The following SH3BP4 variants were observed in gnomAD, a reference collection of about 807,000 sequenced individuals.
The protein encoded by SH3BP4 is SH3 domain-binding protein 4.
A neutral mutation model predicts 65.5 loss-of-function variants in SH3BP4; 33 were observed. The observed-to-expected ratio is 0.50, with a 90% CI of 0.38 to 0.67. The LOEUF (loss-of-function observed/expected upper bound fraction) is 0.67. SH3BP4 is among the 30% of genes least tolerant of loss of function. The pLI is 0.00. For missense variants in SH3BP4, 1,134 were observed against 1,261.4 expected (o/e 0.90, Z 1.53); for synonymous variants, 552 against 545.5 (o/e 1.01, Z -0.17).
intron 4 of SH3BP4, among the ~76,000 whole-genome samples, chr2:235,048,795 T>C (rs1014240557): frequency 2.0e-5 from 3 of 152,222 alleles, no homozygotes; most frequent in African/African-American, 7.2e-5. Context: ...GTACTATCTG[T>C]CCCTTTATAA....
chr2:234,980,305 A>G (rs1437093442), intron 1 of SH3BP4, among the ~76,000 whole-genome samples: 1 of 152,250 alleles, frequency 6.6e-6, no homozygotes, highest in African/African-American at 2.4e-5. Context: ...AGGCACACTG[A>G]GAGATGAACA....
chr2:235,043,098 G>GGCTAC lies in SH3BP4; in HGVS notation c.2331_2335dup (p.Val779AlafsTer3). ...CTGGCGCTCCTTCGCTGACGCCCTG[G>GGCTAC]GCTACGTGAACCTGCCGCTCACCTT... is the stretch of plus-strand genomic sequence containing the variant. On this transcript the variant is annotated frameshift_variant, in exon 4 of 6. Coordinates refer to ENST00000392011, the MANE Select transcript of SH3BP4 (RefSeq NM_014521.3). LOFTEE classifies it high-confidence loss of function. 1 of 1,613,642 alleles carries GGCTAC rather than the reference G, an allele frequency of 6.2e-7. No homozygotes were observed. The highest frequency in any genetic ancestry group is 8.5e-7 in the Non-Finnish European group (1 of 1,179,958).
chr2:234,969,094 G>A (rs923100103), intron 1 of SH3BP4, among the ~76,000 whole-genome samples: 12 of 152,208 alleles, frequency 7.9e-5, no homozygotes, highest in African/African-American at 2.9e-4. Flanking sequence ...GCTAGTCTCA[G>A]CCCAGGGCTA....
chr2:235,018,059 G>A (rs997662267), intron 2 of SH3BP4, among the ~76,000 whole-genome samples: 10 of 152,178 alleles, frequency 6.6e-5, no homozygotes, highest in African/African-American at 2.4e-4. Context: ...AGCGGGGGCA[G>A]ACGAGAGCTT....
chr2:234,987,356 C>T (rs1693594353), intron 1 of SH3BP4, among the ~76,000 whole-genome samples: 1 of 151,760 alleles, frequency 6.6e-6, no homozygotes, highest in South Asian at 2.1e-4. Flanking sequence ...TCCCTGCCCT[C>T]AACATGGTCT....
intron 1 of SH3BP4, among the ~76,000 whole-genome samples, chr2:234,979,180 C>CA (rs2106254575): frequency 6.6e-6 from 1 of 152,274 alleles, no homozygotes; most frequent in South Asian, 2.1e-4. Context: ...TACACAATCA[C>CA]AAAAACAATG....
rs1696162954 is a variant in SH3BP4 at position 235,054,406 on chromosome 2, G to C, written c.*590G>C. 6.5e-6 allele frequency: 1 copy of C among 152,774 alleles called. No homozygotes were observed. The highest frequency in any genetic ancestry group is 2.1e-4 in the South Asian group (1 of 4,846). The allele number at this position is 152,774 out of a possible 1,614,324, so 9.5% of individuals were successfully genotyped here. On this transcript the variant is annotated 3_prime_UTR_variant, in exon 6 of 6. Transcript: ENST00000392011. ...GCTCATTCTTTCTGAGAAGGCCCCA[G>C]GTCCTGCTCCCTCCTCGGATTTGAT...
chr2:234,999,113 C>T (rs866486712), intron 2 of SH3BP4, among the ~76,000 whole-genome samples: 2 of 152,124 alleles, frequency 1.3e-5, no homozygotes, highest in South Asian at 2.1e-4. Flanking sequence ...CATCAGCTGC[C>T]GAAGGGAAGC....
At chr2:234,975,756 G>A (rs956813493) in intron 1 of SH3BP4, among the ~76,000 whole-genome samples, 1 of 152,060 alleles carries the variant, frequency 6.6e-6, no homozygotes, top group African/African-American at 2.4e-5. Context: ...CATGCCTGTA[G>A]ACTCAGCTAC....
Position 234,982,273 on chromosome 2 carries a change from C to A in SH3BP4, c.-206-13030C>A, listed in dbSNP as rs78777466. ...TCGCTGGCACCAGGTGGGCTATTGGCACCAGTGGGCACACCTGTGGCTTTG... is the reference window on the plus strand; with the variant it reads ...TCGCTGGCACCAGGTGGGCTATTGGAACCAGTGGGCACACCTGTGGCTTTG... On this transcript the variant is annotated intron_variant, in intron 1 of 5. Coordinates refer to ENST00000392011, the MANE Select transcript of SH3BP4 (RefSeq NM_014521.3). 1.8e-3 allele frequency among the ~76,000 whole-genome samples: 277 copies of A among 152,262 alleles called. 6 individuals are homozygous for A. In the East Asian group the frequency reaches 0.04, roughly 22 times the overall value.
intron 1 of SH3BP4, among the ~76,000 whole-genome samples, chr2:234,955,567 A>C (rs1017310315): frequency 5.9e-5 from 9 of 152,122 alleles, no homozygotes; most frequent in African/African-American, 1.9e-4. Context: ...AGGGCGAGGG[A>C]GTGCAGAATA....
chr2:235,011,549 C>G (rs762724485), intron 2 of SH3BP4, among the ~76,000 whole-genome samples: 13 of 152,222 alleles, frequency 8.5e-5, no homozygotes, highest in African/African-American at 2.4e-5. Flanking sequence ...AACAGTGGCT[C>G]TCGCTGTCTT....
chr2:234,972,410 G>C (rs1693028562), intron 1 of SH3BP4, among the ~76,000 whole-genome samples: 1 of 152,086 alleles, frequency 6.6e-6, no homozygotes, highest in African/African-American at 2.4e-5. Flanking sequence ...TGGGAAGCAT[G>C]GTGGCTCATA....
At chr2:235,028,214 G>A (rs1283660750) in intron 2 of SH3BP4, among the ~76,000 whole-genome samples, 2 of 152,222 alleles carry the variant, frequency 1.3e-5, no homozygotes, top group African/African-American at 4.8e-5. Flanking sequence ...AGGTGAAGAG[G>A]TGAGATGGAG....
At chr2:234,987,893 G>A (rs138778189) in intron 1 of SH3BP4, among the ~76,000 whole-genome samples, 61 of 152,250 alleles carry the variant, frequency 4.0e-4, no homozygotes, top group African/African-American at 1.4e-3. Flanking sequence ...CTGAGTGTGG[G>A]TTTGGCCATG....
intron 3 of SH3BP4, among the ~76,000 whole-genome samples, chr2:235,038,389 AT>A (rs1392418427): frequency 0.068 from 1,154 of 16,912 alleles, 121 homozygotes; most frequent in African/African-American, 0.27. Context: ...ATATATATAT[AT>A]ATATATATAT....
intron 1 of SH3BP4, among the ~76,000 whole-genome samples, chr2:234,954,997 G>T (rs1298337685): frequency 6.6e-6 from 1 of 152,146 alleles, no homozygotes; most frequent in African/African-American, 2.4e-5. Context: ...GTTTACAACT[G>T]GCCAGCCATG....
chr2:235,015,084 C>T (rs535085030), intron 2 of SH3BP4, among the ~76,000 whole-genome samples: 3 of 152,246 alleles, frequency 2.0e-5, no homozygotes, highest in Non-Finnish European at 2.9e-5. Flanking sequence ...CTTCACTATG[C>T]GCAGCCCATA....
Position 235,042,704 on chromosome 2 carries a change from C to T in SH3BP4, c.1935C>T (p.Tyr645=), listed in dbSNP as rs767105961. Reference sequence around the variant, plus strand: ...CCCCGTTTGCCACCACTACAAAGTACCCGACTTTCCAGGACCGCCCGGTGT... The same window carrying T: ...CCCCGTTTGCCACCACTACAAAGTATCCGACTTTCCAGGACCGCCCGGTGT... ...ILSPFATTTK[Y]PTFQDRPVSS... The change falls in exon 4 of 6, where the codon TAC becomes TAT. Residue 645 remains tyrosine, a synonymous_variant. Transcript: ENST00000392011. The surrounding 1 kb of genome is among the most constrained non-coding windows in gnomAD (Gnocchi z 7.3). The T allele has an allele frequency of 3.1e-6, 5 of 1,614,212 alleles. No homozygotes were observed. Among genetic ancestry groups the T allele is most frequent in the Admixed American group, 3.3e-5 (2 of 60,030 alleles).
Sources: allele counts gnomAD v4.1 joint callset (sites outside exome capture counted in the v4.1 genomes callset), GRCh38; gene constraint gnomAD v4.1.1; non-coding constraint Gnocchi (gnomAD v3.1); transcripts MANE v1.5; gene names NCBI Gene and HGNC (gene_info 2026-07-23, HGNC 2026-07-21).